CHIC2: variants seen among roughly 807,000 people sequenced by gnomAD.
The protein encoded by CHIC2 is cysteine rich hydrophobic domain 2, also known as cysteine-rich hydrophobic domain-containing protein 2.
CHIC2 carries 14 observed loss-of-function variants against 25.9 expected under a neutral mutation model. The ratio of observed to expected loss-of-function variants is 0.54; its 90% confidence interval spans 0.36 to 0.85. The LOEUF (loss-of-function observed/expected upper bound fraction) is 0.85. Among genes scored for constraint, CHIC2 ranks in the 40% least tolerant of loss-of-function variants. CHIC2 has a pLI of 0.01. For synonymous variants in CHIC2, 70 were observed against 72.0 expected (o/e 0.97, Z 0.14); for missense variants, 146 against 202.0 (o/e 0.72, Z 1.68).
chr4:54,089,224 C>T, the CHIC2 span, among the ~76,000 whole-genome samples: 5 of 152,222 alleles, frequency 3.3e-5, no homozygotes, highest in South Asian at 4.1e-4. Flanking sequence ...GATCTGCAAT[C>T]GGTTCTCCAA....
the CHIC2 span, among the ~76,000 whole-genome samples, chr4:54,074,597 A>AC: frequency 2.1e-3 from 296 of 139,706 alleles, 1 homozygote; most frequent in African/African-American, 7.1e-3. Flanking sequence ...ACAACACACA[A>AC]ACACACACAC....
intron 3 of CHIC2, among the ~76,000 whole-genome samples, chr4:54,047,500 G>A: frequency 6.6e-6 from 1 of 152,002 alleles, no homozygotes. Flanking sequence ...TCCTTTGTAA[G>A]GACATGGATG....
At chr4:54,087,234 C>T in the CHIC2 span, 8 of 627,358 alleles carry the variant, frequency 1.3e-5, no homozygotes, top group South Asian at 1.3e-4. Context: ...AGAGCCTGGG[C>T]AGACCTCACT....
intron 1 of CHIC2, among the ~76,000 whole-genome samples, chr4:54,057,869 T>C (rs1048970285): frequency 2.0e-5 from 3 of 152,240 alleles, no homozygotes; most frequent in African/African-American, 7.2e-5. Flanking sequence ...TCTTACTTTA[T>C]ATGCAGTTCT....
chr4:54,076,353 A>G, the CHIC2 span, among the ~76,000 whole-genome samples: 1 of 152,314 alleles, frequency 6.6e-6, no homozygotes. Context: ...GATGGCCCCT[A>G]AAAGCTGAAA....
chr4:54,052,996 C>T (rs1717054757), intron 1 of CHIC2, among the ~76,000 whole-genome samples: 1 of 152,098 alleles, frequency 6.6e-6, no homozygotes, highest in Admixed American at 6.5e-5. Context: ...CTCAATATAA[C>T]AGAATATTAA....
chr4:54,051,153 G>A (rs1716997069), intron 1 of CHIC2, among the ~76,000 whole-genome samples: 1 of 151,950 alleles, frequency 6.6e-6, no homozygotes, highest in South Asian at 2.1e-4. Context: ...TTTGGCCTCT[G>A]GTTGTAATAT....
At chr4:54,042,084 C>T (rs976906101) in intron 3 of CHIC2, among the ~76,000 whole-genome samples, 4 of 151,958 alleles carry the variant, frequency 2.6e-5, no homozygotes, top group East Asian at 1.9e-4. Flanking sequence ...TCTCCAGGGC[C>T]GGTAATATCC....
chr4:54,085,532 G>A, the CHIC2 span, among the ~76,000 whole-genome samples: 1 of 152,224 alleles, frequency 6.6e-6, no homozygotes. Flanking sequence ...GCAGTCAGAT[G>A]AGGAAGGGCA....
chr4:54,038,202 T>C (rs977315963), intron 3 of CHIC2, among the ~76,000 whole-genome samples: 13 of 152,250 alleles, frequency 8.5e-5, no homozygotes, highest in South Asian at 2.1e-4. Flanking sequence ...TCTGACAACA[T>C]AGTTATCTCT....
At chr4:54,022,505 G>A (rs1368755513) in intron 3 of CHIC2, among the ~76,000 whole-genome samples, 14 of 152,060 alleles carry the variant, frequency 9.2e-5, no homozygotes, top group Non-Finnish European at 1.0e-4. Flanking sequence ...TGCCAGCTTG[G>A]ACAACATTCT....
intron 1 of CHIC2, 23 bp from the exon 2 acceptor site, chr4:54,049,328 T>A (rs765227434): frequency 6.7e-7 from 1 of 1,491,358 alleles, no homozygotes; most frequent in Admixed American, 1.8e-5. Flanking sequence ...ATAAGAAGAA[T>A]ATGTTATTAC....
At chr4:54,040,703 CAA>C (rs71200354) in intron 3 of CHIC2, among the ~76,000 whole-genome samples, 21,547 of 58,730 alleles carry the variant, frequency 0.37, 2,194 homozygotes, top group Middle Eastern at 0.54. Context: ...AACTCTGTCT[CAA>C]AAAAAAAAAA....
upstream of CHIC2, among the ~76,000 whole-genome samples, chr4:54,064,949 A>G (rs1243606671): frequency 6.6e-6 from 1 of 152,194 alleles, no homozygotes; most frequent in African/African-American, 2.4e-5. This position sits in a 1 kb window ranked among gnomAD's most constrained non-coding sequence, Gnocchi z 4.2. Context: ...CAGTTCCCCA[A>G]AGTCATCTCT....
intron 3 of CHIC2, 96 bp from the exon 4 acceptor site, chr4:54,014,215 C>A: frequency 1.1e-6 from 1 of 948,258 alleles, no homozygotes; most frequent in South Asian, 1.4e-5. Flanking sequence ...AGGTATAAGA[C>A]AGTGACTGAG....
At chr4:54,064,648 C>T, upstream of CHIC2, 1 of 1,063,396 alleles carries the variant, frequency 9.4e-7, no homozygotes, top group African/African-American at 1.7e-5. The surrounding 1 kb of genome is among the most constrained non-coding windows in gnomAD (Gnocchi z 4.2). Context: ...CAGCCGGCTA[C>T]GGCATCGCGA....
At chr4:54,034,032 T>TAA (rs537063873) in intron 3 of CHIC2, among the ~76,000 whole-genome samples, 1 of 144,894 alleles carries the variant, frequency 6.9e-6, no homozygotes, top group African/African-American at 2.5e-5. Flanking sequence ...TGTCAATTTC[T>TAA]AAAAAAAAAA....
At chr4:54,013,691 G>A (rs1715658589) in intron 5 of CHIC2, 146 bp downstream of exon 5, 2 of 674,762 alleles carry the variant, frequency 3.0e-6, no homozygotes, top group Non-Finnish European at 5.1e-6. Context: ...ATGAAACCAT[G>A]CATCTGTGAA....
intron 3 of CHIC2, 48 bp downstream of exon 3, chr4:54,048,907 T>A (rs1560394921): frequency 7.1e-7 from 1 of 1,418,390 alleles, no homozygotes; most frequent in African/African-American, 1.5e-5. Flanking sequence ...AATGCAAGAC[T>A]TGCTTGTCCA....
Sources: gnomAD v4.1 joint callset for allele counts (sites outside exome capture counted in the v4.1 genomes callset) on GRCh38, gnomAD v4.1.1 for gene constraint, Gnocchi (gnomAD v3.1) non-coding constraint, MANE v1.5 for transcripts, NCBI Gene and HGNC (gene_info 2026-07-23, HGNC 2026-07-21) for gene names.